SLC2A1: variants seen among roughly 807,000 people sequenced by gnomAD.
SLC2A1 encodes the protein solute carrier family 2 member 1.
In SLC2A1, 4 loss-of-function variants were observed where a neutral mutation model predicts 46.6. That is an observed-to-expected ratio of 0.09 (90% CI 0.04 to 0.20). The LOEUF (loss-of-function observed/expected upper bound fraction) is 0.20, where lower values mean the gene tolerates loss of function less well. Among genes scored for constraint, SLC2A1 ranks in the 10% least tolerant of loss-of-function variants. The pLI is 1.00. For synonymous variants in SLC2A1, 253 were observed against 270.0 expected, an observed-to-expected ratio of 0.94 and a Z score of 0.62; for missense variants, 352 against 667.0, an observed-to-expected ratio of 0.53 and a Z score of 5.20.
chr1:42,947,431 A>G (rs1643667363), intron 1 of SLC2A1, among the ~76,000 whole-genome samples: 1 of 152,008 alleles, frequency 6.6e-6, no homozygotes, highest in African/African-American at 2.4e-5. Flanking sequence ...CAGTTTGGGA[A>G]CTCCTTAAGA....
rs12718444 is a variant in SLC2A1 at position 42,943,508 on chromosome 1, G to T, written c.19-187C>A. On this transcript the variant is annotated intron_variant, in intron 1 of 9. Coordinates refer to ENST00000426263, the MANE Select transcript of SLC2A1 (RefSeq NM_006516.4). ...CCCAAACCAGCCTAGCTGACTTCAA[G>T]ATACTGGGCTGGCCGGGCCATTTCC... Among the ~76,000 whole-genome samples the T allele has an allele frequency of 0.16, 23,885 of 152,100 alleles. 1,985 individuals carry two copies. The highest frequency in any genetic ancestry group is 0.19 in the South Asian group (891 of 4,816).
At position 42,930,364 on chromosome 1, in the gene SLC2A1, G is replaced by C. The variant is rs926800358; in HGVS notation, c.516+262C>G. The C allele has an allele frequency of 3.0e-6, 2 of 675,170 alleles. No homozygotes were observed. The highest frequency in any genetic ancestry group is 4.5e-5 in the Admixed American group (2 of 44,298). 41.8% of individuals were successfully genotyped at this position (675,170 alleles called of 1,614,324 possible). On this transcript the variant is annotated intron_variant, in intron 4 of 9. Transcript: ENST00000426263. This position sits in a 1 kb window ranked among gnomAD's most constrained non-coding sequence, Gnocchi z 6.2. ...TGGAGAGAGGGTACTGTGCATAACA[G>C]CCTGCGGCATGTTGGGGGAAGGCGG... is the stretch of plus-strand genomic sequence containing the variant.
intron 1 of SLC2A1, among the ~76,000 whole-genome samples, chr1:42,958,030 T>G (rs1643796962): frequency 6.6e-6 from 1 of 152,148 alleles, no homozygotes; most frequent in Non-Finnish European, 1.5e-5. Flanking sequence ...TGGAGAAAAG[T>G]GCCCTCCCCT....
chr1:42,930,197 T>A lies in SLC2A1; in HGVS notation c.517-162A>T, dbSNP rs1643474212. On this transcript the variant is annotated intron_variant, in intron 4 of 9. Transcript: ENST00000426263. This position sits in a 1 kb window ranked among gnomAD's most constrained non-coding sequence, Gnocchi z 6.2. The stretch of plus-strand genomic sequence containing the variant: ...TGAGCCCTGTTTCTCAGTTTCCTCA[T>A]CGGTCACATGGGAAAAGTAGGACCT... 1.3e-6 allele frequency: 1 copy of A among 799,822 alleles called. No individual in the cohort carries two copies. Among genetic ancestry groups the A allele is most frequent in the Non-Finnish European group, 2.1e-6 (1 of 483,970 alleles). The allele number at this position is 799,822 out of a possible 1,614,324, so 49.5% of individuals were successfully genotyped here.
chr1:42,935,746 C>T (rs769893380), intron 2 of SLC2A1, among the ~76,000 whole-genome samples: 7 of 152,204 alleles, frequency 4.6e-5, no homozygotes, highest in African/African-American at 7.2e-5. Flanking sequence ...CAGACTCCAG[C>T]TCAGGGGAAG....
rs376123788 is a variant in SLC2A1 at position 42,930,085 on chromosome 1, C to T, written c.517-50G>A. On this transcript the variant is annotated intron_variant, in intron 4 of 9. Coordinates refer to ENST00000426263, the MANE Select transcript of SLC2A1 (RefSeq NM_006516.4). The surrounding 1 kb of genome is among the most constrained non-coding windows in gnomAD (Gnocchi z 6.2). ...GCCTCTGCCCTGACCCCCTTTCCCA[C>T]CCCGTCCTGCCAGAGTGGCCTTCCC... is the stretch of plus-strand genomic sequence containing the variant. 2 of 1,605,580 alleles carry T rather than the reference C, an allele frequency of 1.2e-6. No individual in the cohort carries two copies. Among genetic ancestry groups the T allele is most frequent in the South Asian group, 2.2e-5 (2 of 90,490 alleles).
At chr1:42,938,252 A>G (rs1348544584) in intron 2 of SLC2A1, among the ~76,000 whole-genome samples, 1 of 151,970 alleles carries the variant, frequency 6.6e-6, no homozygotes, top group African/African-American at 2.4e-5. Flanking sequence ...CTCCTCCAGG[A>G]GGGGATGCAT....
At chr1:42,945,912 T>G (rs975369366) in intron 1 of SLC2A1, among the ~76,000 whole-genome samples, 18 of 152,186 alleles carry the variant, frequency 1.2e-4, no homozygotes, top group African/African-American at 4.3e-4. Context: ...TCAAAATAAT[T>G]TTTACAAGCC....
At chr1:42,939,237 C>T (rs1418980055) in intron 2 of SLC2A1, among the ~76,000 whole-genome samples, 1 of 152,242 alleles carries the variant, frequency 6.6e-6, no homozygotes, top group Non-Finnish European at 1.5e-5. Context: ...TCCTTCTGTC[C>T]TCTCTTCACA....
chr1:42,926,347 T>C lies in SLC2A1; in HGVS notation c.*694A>G, dbSNP rs1445644561. On this transcript the variant is annotated 3_prime_UTR_variant, in exon 10 of 10. Transcript: ENST00000426263. Reference sequence around the variant, plus strand: ...CTCCATGTCTTCTTGAGCAGTGAGTTTGCAGGCTCCCACAGGCCCTCTTCT... The same window carrying C: ...CTCCATGTCTTCTTGAGCAGTGAGTCTGCAGGCTCCCACAGGCCCTCTTCT... The C allele has an allele frequency of 6.2e-6, 1 of 162,256 alleles. No homozygotes were observed. Among genetic ancestry groups the C allele is most frequent in the East Asian group, 1.7e-4 (1 of 5,746 alleles). 10.1% of individuals were successfully genotyped at this position (162,256 alleles called of 1,614,324 possible). A position where few individuals can be genotyped will look rare whatever the true frequency, so the allele number is the denominator to read the frequency against.
chr1:42,934,208 G>A (rs1643520218), intron 2 of SLC2A1, among the ~76,000 whole-genome samples: 1 of 152,180 alleles, frequency 6.6e-6, no homozygotes, highest in Admixed American at 6.5e-5. Context: ...CCTGCCTGTG[G>A]TCACACAGTC....
chr1:42,931,827 C>CAAAAA, intron 2 of SLC2A1, among the ~76,000 whole-genome samples: 1 of 106,298 alleles, frequency 9.4e-6, no homozygotes, highest in Non-Finnish European at 1.8e-5. Context: ...CTCTATGTCT[C>CAAAAA]AAAAAAAAAA....
intron 1 of SLC2A1, among the ~76,000 whole-genome samples, chr1:42,956,245 T>C (rs1643771169): frequency 6.6e-6 from 1 of 152,092 alleles, no homozygotes; most frequent in Non-Finnish European, 1.5e-5. Context: ...TCAAACTGCA[T>C]GTGCATGAAT....
intron 1 of SLC2A1, among the ~76,000 whole-genome samples, chr1:42,947,272 G>C (rs1279929076): frequency 6.6e-6 from 1 of 152,166 alleles, no homozygotes; most frequent in East Asian, 1.9e-4. Context: ...TACTGGTGGG[G>C]AGCAATGTAC....
intron 2 of SLC2A1, among the ~76,000 whole-genome samples, chr1:42,936,695 C>T (rs1643545527): frequency 6.6e-6 from 1 of 152,170 alleles, no homozygotes; most frequent in African/African-American, 2.4e-5. Flanking sequence ...CATCCCACTG[C>T]CGTGGCCACA....
At chr1:42,937,309 A>G (rs1304143446) in intron 2 of SLC2A1, among the ~76,000 whole-genome samples, 1 of 152,244 alleles carries the variant, frequency 6.6e-6, no homozygotes, top group Non-Finnish European at 1.5e-5. Flanking sequence ...CCAACAAGCC[A>G]TGAATCTAAC....
intron 2 of SLC2A1, 79 bp from the exon 3 acceptor site, chr1:42,931,285 T>TCC: frequency 6.9e-7 from 1 of 1,441,086 alleles, no homozygotes; most frequent in Non-Finnish European, 9.5e-7. Context: ...CTTGCACCCC[T>TCC]CCCTAAGAGA....
intron 1 of SLC2A1, among the ~76,000 whole-genome samples, chr1:42,950,845 C>A (rs1266440351): frequency 6.6e-6 from 1 of 151,994 alleles, no homozygotes; most frequent in African/African-American, 2.4e-5. Context: ...GTGGGGGGCG[C>A]GCGCCTGTAA....
chr1:42,935,200 G>A (rs1643530124), intron 2 of SLC2A1, among the ~76,000 whole-genome samples: 1 of 152,168 alleles, frequency 6.6e-6, no homozygotes, highest in Non-Finnish European at 1.5e-5. Context: ...ACTGAGCCTA[G>A]AGGACACCCA....
Sources: allele counts gnomAD v4.1 joint callset (sites outside exome capture counted in the v4.1 genomes callset), GRCh38; gene constraint gnomAD v4.1.1; non-coding constraint Gnocchi (gnomAD v3.1); transcripts MANE v1.5; gene names NCBI Gene and HGNC (gene_info 2026-07-23, HGNC 2026-07-21).